CXADR: variants seen among roughly 807,000 people sequenced by gnomAD.
The protein encoded by CXADR is coxsackievirus and adenovirus receptor.
Under a neutral mutation model 40.3 loss-of-function variants are expected in CXADR, and 20 were observed. The observed-to-expected ratio is 0.50, with a 90% confidence interval of 0.35 to 0.72. The LOEUF (loss-of-function observed/expected upper bound fraction) is 0.72. Ranked by LOEUF, CXADR falls within the 30% of genes least tolerant of loss-of-function variation. CXADR has a pLI of 0.01. For synonymous variants in CXADR, 150 were observed against 161.3 expected (o/e 0.93, Z 0.53); for missense variants, 332 against 449.1 (o/e 0.74, Z 2.36).
At chr21:17,628,289 C>T in the CXADR span, among the ~76,000 whole-genome samples, 2 of 152,114 alleles carry the variant, frequency 1.3e-5, no homozygotes, top group South Asian at 2.1e-4. Context: ...TTGGCTCACA[C>T]GATTATGAAA....
At chr21:17,552,006 CATA>C (rs2060975499) in intron 3 of CXADR, 53 bp downstream of exon 3, 1 of 1,355,902 alleles carries the variant, frequency 7.4e-7, no homozygotes, top group Non-Finnish European at 1.1e-6. Context: ...AATGATTAGT[CATA>C]GTACTGTAGT....
At chr21:17,581,655 GC>G (rs34256543) in intron 7 of CXADR, among the ~76,000 whole-genome samples, 152,106 of 152,106 alleles carry the variant, frequency 1, 76,053 homozygotes, top group Non-Finnish European at 1. Context: ...ACCAGCCAGG[GC>G]CAACATAGTT....
At chr21:17,612,001 G>A in the CXADR span, 1 of 152,298 alleles carries the variant, frequency 6.6e-6, no homozygotes, top group African/African-American at 2.4e-5. Flanking sequence ...ATGAAGAGGG[G>A]AAATAATTTT....
intron 1 of CXADR, among the ~76,000 whole-genome samples, chr21:17,531,083 A>C (rs1462381652): frequency 6.6e-6 from 1 of 152,028 alleles, no homozygotes; most frequent in African/African-American, 2.4e-5. Flanking sequence ...GTGGATCACG[A>C]GGTCAGGAGT....
At chr21:17,583,289 T>C (rs1360863000) in intron 7 of CXADR, among the ~76,000 whole-genome samples, 1 of 152,196 alleles carries the variant, frequency 6.6e-6, no homozygotes, top group South Asian at 2.1e-4. Context: ...TGGTTTAAAC[T>C]TCTTGTAATG....
intron 3 of CXADR, among the ~76,000 whole-genome samples, chr21:17,554,616 T>C (rs3805077): frequency 0.093 from 14,142 of 152,102 alleles, 1,932 homozygotes; most frequent in African/African-American, 0.3. Flanking sequence ...CCTTGTAGCT[T>C]TTTCTTCCAT....
intron 1 of CXADR, among the ~76,000 whole-genome samples, chr21:17,524,806 G>A (rs2060578619): frequency 1.3e-5 from 2 of 151,554 alleles, no homozygotes; most frequent in African/African-American, 4.9e-5. Flanking sequence ...CTATTCGGGA[G>A]GCTGAGGTAG....
chr21:17,552,874 G>T (rs1207092500), intron 3 of CXADR, among the ~76,000 whole-genome samples: 1 of 152,060 alleles, frequency 6.6e-6, no homozygotes, highest in African/African-American at 2.4e-5. Flanking sequence ...CTGATTAGGG[G>T]TGGGGTAGAA....
chr21:17,542,025 C>T (rs1178538192), intron 1 of CXADR: 2 of 361,588 alleles, frequency 5.5e-6, no homozygotes, highest in Non-Finnish European at 1.1e-5. Context: ...ACAATTATTA[C>T]TCTGTTTTTG....
intron 3 of CXADR, 136 bp downstream of exon 3, chr21:17,552,089 G>T (rs2060976653): frequency 1.5e-6 from 1 of 658,582 alleles, no homozygotes; most frequent in South Asian, 2.1e-5. Context: ...GTACTTCTAT[G>T]TTGGATAGCA....
chr21:17,593,237 T>C (rs761436378), exon 8 of CXADR: 1 of 1,371,972 alleles, frequency 7.3e-7, no homozygotes, highest in South Asian at 1.9e-5. Flanking sequence ...TATTTGACTT[T>C]ATTTTAGGCC....
chr21:17,551,624 GTTC>G (rs2060969809), intron 2 of CXADR, 122 bp from the exon 3 acceptor site: 1 of 744,324 alleles, frequency 1.3e-6, no homozygotes, highest in Non-Finnish European at 2.2e-6. Context: ...ATAATACTGT[GTTC>G]TTCTTTTTCT....
chr21:17,597,779 T>C (rs74551494), downstream of CXADR, among the ~76,000 whole-genome samples: 3 of 152,176 alleles, frequency 2.0e-5, no homozygotes, highest in East Asian at 1.9e-4. Flanking sequence ...ATGTTCATTA[T>C]GTAAATGTAT....
the CXADR span, among the ~76,000 whole-genome samples, chr21:17,636,238 G>A: frequency 6.1e-4 from 93 of 152,168 alleles, 1 homozygote; most frequent in Non-Finnish European, 1.2e-3. Context: ...TGAATAAACA[G>A]AGATTTATGT....
rs1402258143 is a variant in CXADR at position 17,561,470 on chromosome 21, A to C, written c.827A>C (p.Asp276Ala). 1.2e-6 allele frequency: 2 copies of C among 1,606,522 alleles called. No individual in the cohort carries two copies. The highest frequency in any genetic ancestry group is 4.5e-5 in the East Asian group (2 of 44,658). The stretch of plus-strand genomic sequence containing the variant: ...AAATATGAAAAGGAAGTTCATCACG[A>C]TATCAGGTAATTAAGTGAGACAGGA... Reference protein sequence around the residue: ...EEKYEKEVHHDIREDVPPPKS... With the variant: ...EEKYEKEVHHAIREDVPPPKS... The change falls in exon 6 of 7, where the codon GAT becomes GCT. Residue 276 changes from aspartate (D) to alanine (A), a missense_variant. This residue lies in a region of CXADR where 150 missense variants were observed against 194.2 expected (regional missense o/e 0.77). Coordinates refer to ENST00000284878, the MANE Select transcript of CXADR (RefSeq NM_001338.5).
At chr21:17,619,417 A>G in the CXADR span, among the ~76,000 whole-genome samples, 2 of 152,130 alleles carry the variant, frequency 1.3e-5, no homozygotes, top group African/African-American at 4.8e-5. Flanking sequence ...AAAAATACAA[A>G]ATACAAAATT....
intron 1 of CXADR, among the ~76,000 whole-genome samples, chr21:17,514,498 C>CT (rs1241352482): frequency 1.4e-5 from 2 of 147,922 alleles, no homozygotes; most frequent in East Asian, 2.0e-4. Context: ...ACCTTTCTTT[C>CT]TTTTTTTTCT....
chr21:17,607,088 T>A, the CXADR span, among the ~76,000 whole-genome samples: 2 of 152,218 alleles, frequency 1.3e-5, no homozygotes, highest in Non-Finnish European at 2.9e-5. Context: ...TTTATAATAG[T>A]AACAACCCAC....
chr21:17,594,141 A>G (rs752906772), downstream of CXADR: 2 of 1,613,298 alleles, frequency 1.2e-6, no homozygotes, highest in Non-Finnish European at 8.5e-7. Flanking sequence ...TCCGGTCACA[A>G]TGCATTCCAG....
Sources: gnomAD v4.1 joint callset for allele counts (sites outside exome capture counted in the v4.1 genomes callset) on GRCh38, gnomAD v4.1.1 for gene constraint, gnomAD v4.1.1 regional missense constraint, MANE v1.5 for transcripts, NCBI Gene and HGNC (gene_info 2026-07-23, HGNC 2026-07-21) for gene names.